Variants in SPMIP11 observed in about 807,000 individuals in gnomAD.
SPMIP11 encodes the protein sperm microtubule inner protein 11, also known as long intergenic non-protein coding RNA 935.
chr12:48,744,740 A>G, the SPMIP11 span, among the ~76,000 whole-genome samples: 1,264 of 150,688 alleles, frequency 8.4e-3, 13 homozygotes, highest in South Asian at 0.03. Flanking sequence ...TAATAATAAT[A>G]AAGAAGAAGA....
the SPMIP11 span, among the ~76,000 whole-genome samples, chr12:48,764,478 A>T: frequency 6.6e-6 from 1 of 152,052 alleles, no homozygotes; most frequent in African/African-American, 2.4e-5. Context: ...TTTTTCCAAG[A>T]GGAGGGAAGA....
the SPMIP11 span, among the ~76,000 whole-genome samples, chr12:48,728,239 A>G: frequency 2.0e-5 from 3 of 152,330 alleles, no homozygotes; most frequent in East Asian, 5.8e-4. Flanking sequence ...AAAAATTGCA[A>G]TATATTGTAT....
At chr12:48,771,322 C>G in the SPMIP11 span, 1 of 480,684 alleles carries the variant, frequency 2.1e-6, no homozygotes, top group Non-Finnish European at 3.8e-6. The surrounding 1 kb of genome is among the most constrained non-coding windows in gnomAD (Gnocchi z 4.3). Context: ...CATTCCTGAT[C>G]TGGATGTTCA....
chr12:48,736,617 T>G, the SPMIP11 span, among the ~76,000 whole-genome samples: 1 of 152,036 alleles, frequency 6.6e-6, no homozygotes, highest in Non-Finnish European at 1.5e-5. Flanking sequence ...CTGTTCATTC[T>G]CAAAGCCTGT....
the SPMIP11 span, among the ~76,000 whole-genome samples, chr12:48,742,129 G>A: frequency 6.6e-6 from 1 of 152,026 alleles, no homozygotes; most frequent in Non-Finnish European, 1.5e-5. Flanking sequence ...TGCCCAGGTT[G>A]GTCTCGAGCC....
At chr12:48,733,764 CTTTT>C in the SPMIP11 span, among the ~76,000 whole-genome samples, 1 of 82,894 alleles carries the variant, frequency 1.2e-5, no homozygotes, top group African/African-American at 4.7e-5. Flanking sequence ...AATGCAGATT[CTTTT>C]TTTTTTTTTT....
At chr12:48,765,716 G>A in the SPMIP11 span, 1 of 701,368 alleles carries the variant, frequency 1.4e-6, no homozygotes, top group Non-Finnish European at 2.6e-6. Context: ...GGGAAAGAAG[G>A]AGGTTTCCCA....
At chr12:48,727,932 TC>T in the SPMIP11 span, among the ~76,000 whole-genome samples, 20 of 151,910 alleles carry the variant, frequency 1.3e-4, no homozygotes, top group African/African-American at 4.6e-4. Flanking sequence ...ATGCCTGTGG[TC>T]CTAGCTACTT....
chr12:48,748,146 A>G, the SPMIP11 span, among the ~76,000 whole-genome samples: 4 of 152,194 alleles, frequency 2.6e-5, no homozygotes, highest in East Asian at 7.7e-4. Flanking sequence ...AGAAGGAATC[A>G]GAGACTTTCC....
the SPMIP11 span, among the ~76,000 whole-genome samples, chr12:48,740,753 G>A: frequency 6.6e-6 from 1 of 151,920 alleles, no homozygotes; most frequent in South Asian, 2.1e-4. Context: ...CAGGCATGGT[G>A]GCCGGTGCCT....
the SPMIP11 span, among the ~76,000 whole-genome samples, chr12:48,737,041 C>T: frequency 1.3e-5 from 2 of 151,910 alleles, no homozygotes; most frequent in Non-Finnish European, 2.9e-5. Context: ...CCTCTGCCTC[C>T]TGGGCTCAAG....
the SPMIP11 span, among the ~76,000 whole-genome samples, chr12:48,747,349 GA>G: frequency 6.6e-6 from 1 of 152,162 alleles, no homozygotes; most frequent in Non-Finnish European, 1.5e-5. Flanking sequence ...CCTGAAGAAT[GA>G]GGAGCTTGTC....
the SPMIP11 span, among the ~76,000 whole-genome samples, chr12:48,754,572 T>C: frequency 6.6e-6 from 1 of 151,942 alleles, no homozygotes; most frequent in Non-Finnish European, 1.5e-5. Context: ...TGCCTCAGCC[T>C]CTCGAGTAGC....
the SPMIP11 span, among the ~76,000 whole-genome samples, chr12:48,755,117 G>A: frequency 4.6e-5 from 7 of 152,136 alleles, no homozygotes; most frequent in African/African-American, 9.7e-5. Flanking sequence ...GACCACCCCC[G>A]AGTCACAGGG....
At chr12:48,740,515 C>G in the SPMIP11 span, among the ~76,000 whole-genome samples, 1 of 140,434 alleles carries the variant, frequency 7.1e-6, no homozygotes, top group Admixed American at 7.4e-5. Flanking sequence ...TTTTTTCAGA[C>G]AGGGTCTCAC....
the SPMIP11 span, among the ~76,000 whole-genome samples, chr12:48,762,356 CTTTTTTTTTT>C: frequency 1.6e-5 from 1 of 61,222 alleles, no homozygotes; most frequent in African/African-American, 9.8e-5. Flanking sequence ...CCCCGCCCAG[CTTTTTTTTTT>C]TTTTTTTTTT....
the SPMIP11 span, among the ~76,000 whole-genome samples, chr12:48,730,861 C>T: frequency 6.6e-6 from 1 of 152,108 alleles, no homozygotes; most frequent in Non-Finnish European, 1.5e-5. Context: ...TTGCTTGAAC[C>T]CAGGAGGCAG....
chr12:48,759,422 C>T, the SPMIP11 span: 4 of 664,492 alleles, frequency 6.0e-6, no homozygotes, highest in African/African-American at 3.6e-5. Flanking sequence ...GGCTTGGTGG[C>T]TCATGTCTGT....
the SPMIP11 span, chr12:48,770,700 C>G: frequency 6.6e-7 from 1 of 1,520,228 alleles, no homozygotes; most frequent in Middle Eastern, 2.3e-4. Flanking sequence ...CCATCCCCAG[C>G]CTATAATCCC....
Sources: allele counts gnomAD v4.1 joint callset (sites outside exome capture counted in the v4.1 genomes callset), GRCh38; gene constraint gnomAD v4.1.1; non-coding constraint Gnocchi (gnomAD v3.1); transcripts MANE v1.5; gene names NCBI Gene and HGNC (gene_info 2026-07-23, HGNC 2026-07-21).